Variants in BCAS3 observed in about 807,000 individuals in gnomAD.
BCAS3 encodes the protein BCAS4/BCAS3 fusion.
In BCAS3, 53 loss-of-function variants were observed where a neutral mutation model predicts 116.1. That is an observed-to-expected ratio of 0.46 (90% CI 0.37 to 0.57). BCAS3 has a LOEUF of 0.57. BCAS3 is among the 20% of genes least tolerant of loss of function. The pLI, the probability that BCAS3 is intolerant of heterozygous loss-of-function variation, is 0.00. For synonymous variants in BCAS3, 391 were observed against 408.2 expected (o/e 0.96, Z 0.51); for missense variants, 917 against 1,165.4 (o/e 0.79, Z 3.10).
rs187595034 is a variant in BCAS3, at chr17:60,874,078, A to T, written c.585-584A>T. ...AAACAAAACTTTACTTTGTGTATTCATATTTTTAGAGACAAGATCTTGCTG... is the reference window on the plus strand; with the variant it reads ...AAACAAAACTTTACTTTGTGTATTCTTATTTTTAGAGACAAGATCTTGCTG... On this transcript the variant is annotated intron_variant, in intron 8 of 23. Coordinates refer to ENST00000407086, the MANE Select transcript of BCAS3 (RefSeq NM_017679.5). Among the ~76,000 whole-genome samples, 1,374 of 151,904 alleles carry T rather than the reference A, an allele frequency of 9.0e-3. 25 individuals carry two copies. The highest frequency in any genetic ancestry group is 0.032 in the African/African-American group (1,316 of 41,382).
intron 22 of BCAS3, among the ~76,000 whole-genome samples, chr17:61,173,401 A>G (rs1006610034): frequency 6.6e-6 from 1 of 151,798 alleles, no homozygotes; most frequent in African/African-American, 2.4e-5. Context: ...GTGAACTGAG[A>G]TCACGCCACT....
At chr17:61,320,600 C>T (rs368233754) in intron 22 of BCAS3, among the ~76,000 whole-genome samples, 1 of 151,220 alleles carries the variant, frequency 6.6e-6, no homozygotes, top group Non-Finnish European at 1.5e-5. Context: ...GGCATGAACC[C>T]GGGAGGCGGA....
At chr17:61,048,517 G>C (rs1213719896) in intron 19 of BCAS3, among the ~76,000 whole-genome samples, 1 of 151,946 alleles carries the variant, frequency 6.6e-6, no homozygotes, top group East Asian at 1.9e-4. Flanking sequence ...AAAGAAGAGC[G>C]GGTGTCGGCA....
intron 7 of BCAS3, among the ~76,000 whole-genome samples, chr17:60,854,724 G>A (rs1023290064): frequency 2.6e-5 from 4 of 152,064 alleles, no homozygotes; most frequent in African/African-American, 4.8e-5. Flanking sequence ...TGGAGAAATA[G>A]GAACACTTTT....
chr17:61,286,694 C>G lies in BCAS3; in HGVS notation c.2426-81633C>G, dbSNP rs1388527380. Reference sequence around the variant, plus strand: ...GCAGCTCCCAGGGCAGCCAGAGGAGCATGTCACCTTCAGAGTAGGTTGGAC... The same window carrying G: ...GCAGCTCCCAGGGCAGCCAGAGGAGGATGTCACCTTCAGAGTAGGTTGGAC... On this transcript the variant is annotated intron_variant, in intron 22 of 23. Coordinates refer to ENST00000407086, the MANE Select transcript of BCAS3 (RefSeq NM_017679.5). This position sits in a 1 kb window ranked among gnomAD's most constrained non-coding sequence, Gnocchi z 4.8. Among the ~76,000 whole-genome samples the G allele has an allele frequency of 3.3e-5, 5 of 152,192 alleles. No homozygotes were observed. The East Asian group carries it at 9.6e-4, about 29-fold the overall frequency.
intron 22 of BCAS3, among the ~76,000 whole-genome samples, chr17:61,221,818 A>G (rs887383225): frequency 1.3e-5 from 2 of 152,242 alleles, no homozygotes; most frequent in African/African-American, 4.8e-5. Flanking sequence ...TGTGAAAAGC[A>G]TAAACCCTAG....
At chr17:61,253,427 T>C (rs754577495) in intron 22 of BCAS3, among the ~76,000 whole-genome samples, 2 of 151,902 alleles carry the variant, frequency 1.3e-5, no homozygotes, top group Non-Finnish European at 2.9e-5. Flanking sequence ...TGTGTAACAT[T>C]TACAGTGCCT....
rs1030911912 is a variant in BCAS3, at chr17:61,173,486, A to G, written c.2425+88922A>G. Among the ~76,000 whole-genome samples, 78 of 151,798 alleles carry G rather than the reference A, an allele frequency of 5.1e-4. 1 individual carries two copies. The highest frequency in any genetic ancestry group is 1.7e-3 in the African/African-American group (72 of 41,354). ...AATTGTTTTGAACTAAATGAAAATT[A>G]AAACATATCAAAATTTGTGAGACAC... On this transcript the variant is annotated intron_variant, in intron 22 of 23. Transcript: ENST00000407086.
At chr17:60,756,195 A>G (rs2042970346) in intron 6 of BCAS3, among the ~76,000 whole-genome samples, 1 of 152,146 alleles carries the variant, frequency 6.6e-6, no homozygotes, top group Non-Finnish European at 1.5e-5. Context: ...TAAGGAGTGC[A>G]CAACTTAGAT....
Position 61,214,970 on chromosome 17 carries a change from C to T in BCAS3, c.2425+130406C>T, listed in dbSNP as rs2081699069. Among the ~76,000 whole-genome samples the T allele has an allele frequency of 6.6e-6, 1 of 152,154 alleles. No individual in the cohort carries two copies. The highest frequency in any genetic ancestry group is 2.1e-4 in the South Asian group (1 of 4,828). ...GGTTTACCCTCAAGAAAAAGAAATA[C>T]AGCCTCTATATACCTCTTACACCCA... On this transcript the variant is annotated intron_variant, in intron 22 of 23. Transcript: ENST00000407086. The surrounding 1 kb of genome is among the most constrained non-coding windows in gnomAD (Gnocchi z 4.4).
rs2049001205 is a variant in BCAS3, at chr17:61,259,077, G to C, written c.2426-109250G>C. Among the ~76,000 whole-genome samples, 1 of 152,210 alleles carries C rather than the reference G, an allele frequency of 6.6e-6. No individual in the cohort carries two copies. Among genetic ancestry groups the C allele is most frequent in the South Asian group, 2.1e-4 (1 of 4,834 alleles). On this transcript the variant is annotated intron_variant, in intron 22 of 23. Coordinates refer to ENST00000407086, the MANE Select transcript of BCAS3 (RefSeq NM_017679.5). This position sits in a 1 kb window ranked among gnomAD's most constrained non-coding sequence, Gnocchi z 4.7. The stretch of plus-strand genomic sequence containing the variant: ...GTAAACTTGTTATTCTCTATTGGAT[G>C]CTAAAGAAGCTTTTCACTGTCTAAG...
intron 23 of BCAS3, among the ~76,000 whole-genome samples, chr17:61,374,201 T>TTC (rs1491060534): frequency 6.7e-6 from 1 of 149,356 alleles, no homozygotes; most frequent in Non-Finnish European, 1.5e-5. Context: ...TTTTTTTTTT[T>TTC]TCTCTGTCAC....
intron 13 of BCAS3, among the ~76,000 whole-genome samples, chr17:60,927,645 G>T (rs937989436): frequency 3.9e-5 from 6 of 152,090 alleles, no homozygotes; most frequent in African/African-American, 1.2e-4. Flanking sequence ...GGTGTATAGA[G>T]TTTCCTTGTT....
chr17:61,053,537 G>A (rs899784254), intron 19 of BCAS3, among the ~76,000 whole-genome samples: 9 of 152,178 alleles, frequency 5.9e-5, no homozygotes, highest in African/African-American at 1.7e-4. Flanking sequence ...TAAATATGCA[G>A]CAATTTTCTT....
In BCAS3 at chr17:61,186,934, T is replaced by C. The variant is rs1371055296; in HGVS notation, c.2425+102370T>C. 6.6e-6 allele frequency among the ~76,000 whole-genome samples: 1 copy of C among 152,112 alleles called. No individual in the cohort carries two copies. Among genetic ancestry groups the C allele is most frequent in the Non-Finnish European group, 1.5e-5 (1 of 68,012 alleles). On this transcript the variant is annotated intron_variant, in intron 22 of 23. Coordinates refer to ENST00000407086, the MANE Select transcript of BCAS3 (RefSeq NM_017679.5). The surrounding 1 kb of genome is among the most constrained non-coding windows in gnomAD (Gnocchi z 4.9). ...ACCGTGTTAGCCAGGATGGTCTCGA[T>C]CTCCTGACCTCGTGATCCACCCACC...
At position 61,106,767 on chromosome 17, in the gene BCAS3, G is replaced by A. The variant is rs1191959025; in HGVS notation, c.2425+22203G>A. Among the ~76,000 whole-genome samples, 1 of 152,144 alleles carries A rather than the reference G, an allele frequency of 6.6e-6. No individual in the cohort carries two copies. Among genetic ancestry groups the A allele is most frequent in the East Asian group, 1.9e-4 (1 of 5,194 alleles). On this transcript the variant is annotated intron_variant, in intron 22 of 23. Coordinates refer to ENST00000407086, the MANE Select transcript of BCAS3 (RefSeq NM_017679.5). This position sits in a 1 kb window ranked among gnomAD's most constrained non-coding sequence, Gnocchi z 4.2. Reference sequence around the variant, plus strand: ...TGAAGACATAGATATTTTAATGGTGGCTGGATCATTTATTTGTCTGATTTT... The same window carrying A: ...TGAAGACATAGATATTTTAATGGTGACTGGATCATTTATTTGTCTGATTTT...
chr17:60,806,872 T>C (rs982291929), intron 6 of BCAS3, among the ~76,000 whole-genome samples: 1 of 152,156 alleles, frequency 6.6e-6, no homozygotes, highest in African/African-American at 2.4e-5. Context: ...CTGACTTTAC[T>C]TTTTTTGCTT....
chr17:61,217,498 A>G lies in BCAS3; in HGVS notation c.2425+132934A>G, dbSNP rs935779255. On this transcript the variant is annotated intron_variant, in intron 22 of 23. Transcript: ENST00000407086. The surrounding 1 kb of genome is among the most constrained non-coding windows in gnomAD (Gnocchi z 5.2). ...TTGGCTTGCCCCAGTAATGTAAATTATAGGAAATCTTTCTTGAACAAGATA... is the reference window on the plus strand; with the variant it reads ...TTGGCTTGCCCCAGTAATGTAAATTGTAGGAAATCTTTCTTGAACAAGATA... Among the ~76,000 whole-genome samples the G allele has an allele frequency of 3.3e-5, 5 of 152,172 alleles. No homozygotes were observed. The highest frequency in any genetic ancestry group is 3.8e-4 in the East Asian group (2 of 5,198).
At chr17:60,779,190 C>CA (rs953511664) in intron 6 of BCAS3, among the ~76,000 whole-genome samples, 3 of 151,940 alleles carry the variant, frequency 2.0e-5, no homozygotes, top group Non-Finnish European at 4.4e-5. Flanking sequence ...TCCCCACCCC[C>CA]AAATAAAACC....
Sources: gnomAD v4.1 joint callset for allele counts (sites outside exome capture counted in the v4.1 genomes callset) on GRCh38, gnomAD v4.1.1 for gene constraint, Gnocchi (gnomAD v3.1) non-coding constraint, MANE v1.5 for transcripts, NCBI Gene and HGNC (gene_info 2026-07-23, HGNC 2026-07-21) for gene names.